The following CPXM2 variants were observed in gnomAD, a reference collection of about 807,000 sequenced individuals.
CPXM2 encodes the protein inactive carboxypeptidase-like protein X2.
Under a neutral mutation model 86.1 loss-of-function variants are expected in CPXM2, and 66 were observed. The ratio of observed to expected loss-of-function variants is 0.77; its 90% CI spans 0.63 to 0.94. CPXM2 has a LOEUF of 0.94. CPXM2 is among the 40% of genes least tolerant of loss of function. The pLI is 0.00. For synonymous variants in CPXM2, 388 were observed against 400.2 expected (o/e 0.97, Z 0.36); for missense variants, 948 against 1,026.3 (o/e 0.92, Z 1.04).
chr10:123,818,366 G>T (rs183949358), intron 4 of CPXM2, among the ~76,000 whole-genome samples: 120 of 152,224 alleles, frequency 7.9e-4, no homozygotes, highest in African/African-American at 2.6e-3. Flanking sequence ...TACCCAATTT[G>T]CCAGCAGCAG....
intron 2 of CPXM2, among the ~76,000 whole-genome samples, chr10:123,901,465 G>GTGTA (rs1200566893): frequency 7.1e-6 from 1 of 141,728 alleles, no homozygotes; most frequent in Non-Finnish European, 1.5e-5. Context: ...GTGTGTGTGT[G>GTGTA]TGTGTGTGTT....
intron 3 of CPXM2, among the ~76,000 whole-genome samples, chr10:123,855,438 G>C (rs971748175): frequency 9.2e-5 from 14 of 152,188 alleles, no homozygotes; most frequent in African/African-American, 3.4e-4. Flanking sequence ...ACGGGTGCAG[G>C]GCCCAGCCAC....
intron 4 of CPXM2, among the ~76,000 whole-genome samples, chr10:123,839,980 A>G (rs1239868343): frequency 6.6e-6 from 1 of 152,204 alleles, no homozygotes; most frequent in Non-Finnish European, 1.5e-5. Context: ...ATACTGTTCC[A>G]CTGCAATTCC....
At chr10:123,767,942 A>T (rs867810459) in intron 9 of CPXM2, among the ~76,000 whole-genome samples, 21 of 152,330 alleles carry the variant, frequency 1.4e-4, no homozygotes, top group Middle Eastern at 6.8e-3. Context: ...GGATTCCATT[A>T]TCATTGTGTA....
At chr10:123,779,866 A>G (rs1329819271) in intron 7 of CPXM2, among the ~76,000 whole-genome samples, 1 of 152,138 alleles carries the variant, frequency 6.6e-6, no homozygotes, top group Non-Finnish European at 1.5e-5. Context: ...CATATGACCA[A>G]CATCCTTAAA....
intron 7 of CPXM2, among the ~76,000 whole-genome samples, chr10:123,774,350 C>T (rs1459865909): frequency 2.6e-5 from 4 of 152,170 alleles, no homozygotes; most frequent in Non-Finnish European, 4.4e-5. Context: ...TCGGATCAAC[C>T]GAATTATCCA....
rs1263989418 is a variant in CPXM2, at chr10:123,891,642, G to A, written c.18C>T (p.Thr6=). The A allele has an allele frequency of 4.8e-6, 7 of 1,451,280 alleles. No homozygotes were observed. Among genetic ancestry groups the A allele is most frequent in the East Asian group, 2.7e-5 (1 of 36,524 alleles). 89.9% of individuals were successfully genotyped at this position (1,451,280 alleles called of 1,614,324 possible). A position where few individuals can be genotyped will look rare whatever the true frequency, so the allele number is the denominator to read the frequency against. ...GCACCAGGGCCAGCGCTGGGGTAGC[G>A]GTCCCCGGGCGGGACATGCCTGCTC... The part of the protein sequence containing the change: MSRPG[T]ATPALALVLL... The change falls in exon 1 of 14, where the codon ACC becomes ACT. Residue 6 remains threonine, a synonymous_variant. Transcript: ENST00000241305. This position sits in a 1 kb window ranked among gnomAD's most constrained non-coding sequence, Gnocchi z 5.6.
chr10:123,866,437 A>G (rs1848982688), intron 2 of CPXM2, among the ~76,000 whole-genome samples: 2 of 152,010 alleles, frequency 1.3e-5, no homozygotes, highest in African/African-American at 4.8e-5. Flanking sequence ...GTGGTGGTAC[A>G]CGCTGTAATC....
intron 2 of CPXM2, among the ~76,000 whole-genome samples, chr10:123,921,642 T>C (rs1443335411): frequency 6.6e-6 from 1 of 152,206 alleles, no homozygotes; most frequent in African/African-American, 2.4e-5. Flanking sequence ...ATCCAGATGA[T>C]AGACATGGTA....
At chr10:123,896,079 C>T (rs932261006), upstream of CPXM2, among the ~76,000 whole-genome samples, 13 of 152,192 alleles carry the variant, frequency 8.5e-5, no homozygotes, top group African/African-American at 2.9e-4. Flanking sequence ...TGTTAAGCTG[C>T]TTGGCAAGGA....
chr10:123,822,558 G>A (rs542078409), intron 4 of CPXM2, among the ~76,000 whole-genome samples: 87 of 152,122 alleles, frequency 5.7e-4, no homozygotes, highest in African/African-American at 2.0e-3. Context: ...AATCTAGGGC[G>A]AGTTGGGGGA....
At chr10:123,935,851 T>TCAC (rs1265655665) in intron 2 of CPXM2, among the ~76,000 whole-genome samples, 1 of 80,696 alleles carries the variant, frequency 1.2e-5, no homozygotes, top group Admixed American at 1.2e-4. Context: ...TTGACCATCA[T>TCAC]CACCACCACC....
intron 2 of CPXM2, among the ~76,000 whole-genome samples, chr10:123,868,965 T>C (rs1202713137): frequency 6.6e-6 from 1 of 152,226 alleles, no homozygotes; most frequent in Non-Finnish European, 1.5e-5. Flanking sequence ...TCAATCACAA[T>C]ACCACTTCCA....
At chr10:123,893,391 C>A (rs1171455145), upstream of CPXM2, among the ~76,000 whole-genome samples, 2 of 152,176 alleles carry the variant, frequency 1.3e-5, no homozygotes, top group Admixed American at 6.5e-5. Context: ...GGAAGGTTGT[C>A]ATTCTCTTTC....
intron 2 of CPXM2, among the ~76,000 whole-genome samples, chr10:123,933,036 C>T (rs1405522558): frequency 1.3e-5 from 2 of 152,194 alleles, no homozygotes. Flanking sequence ...ACCAATCCAC[C>T]CTGGTACAGT....
intron 2 of CPXM2, among the ~76,000 whole-genome samples, chr10:123,922,550 A>G (rs1590123655): frequency 1.3e-5 from 2 of 152,152 alleles, no homozygotes; most frequent in African/African-American, 4.8e-5. Flanking sequence ...GCAGCAGCCA[A>G]CCCAGCCAGC....
chr10:123,923,519 T>C (rs1945594975), intron 2 of CPXM2, among the ~76,000 whole-genome samples: 3 of 150,322 alleles, frequency 2.0e-5, no homozygotes, highest in Non-Finnish European at 4.4e-5. Context: ...AGGCGGAGCT[T>C]GCAGTGAGCC....
chr10:123,878,551 G>T (rs983927611), intron 2 of CPXM2, among the ~76,000 whole-genome samples: 7 of 147,622 alleles, frequency 4.7e-5, no homozygotes, highest in Admixed American at 4.7e-4. Context: ...GTGTGTAATT[G>T]AGTCTTCAAA....
chr10:123,922,139 C>T (rs763373005), intron 2 of CPXM2, among the ~76,000 whole-genome samples: 3 of 152,264 alleles, frequency 2.0e-5, no homozygotes, highest in South Asian at 2.1e-4. Flanking sequence ...ACCTCTACCC[C>T]GTAGATACCA....
Sources: gnomAD v4.1 joint callset for allele counts (sites outside exome capture counted in the v4.1 genomes callset) on GRCh38, gnomAD v4.1.1 for gene constraint, Gnocchi (gnomAD v3.1) non-coding constraint, MANE v1.5 for transcripts, NCBI Gene and HGNC (gene_info 2026-07-23, HGNC 2026-07-21) for gene names.